The following ELF2 variants were observed in gnomAD, a reference collection of about 807,000 sequenced individuals.
ELF2 encodes E74 like ETS transcription factor 2, also known as ETS-related transcription factor Elf-2.
Under a neutral mutation model 54.8 loss-of-function variants are expected in ELF2, and 11 were observed. The ratio of observed to expected loss-of-function variants is 0.20; its 90% confidence interval spans 0.13 to 0.33. The LOEUF (loss-of-function observed/expected upper bound fraction) is 0.33. Ranked by LOEUF, ELF2 falls within the 10% of genes least tolerant of loss-of-function variation. The probability of loss-of-function intolerance (pLI) is 1.00; values close to 1 mark genes in which losing one functional copy is unlikely to be tolerated. For synonymous variants in ELF2, 203 were observed against 245.1 expected (o/e 0.83, Z 1.61); for missense variants, 513 against 703.0 (o/e 0.73, Z 3.06).
At chr4:139,132,873 T>A (rs192530526) in intron 3 of ELF2, among the ~76,000 whole-genome samples, 46 of 88,028 alleles carry the variant, frequency 5.2e-4, no homozygotes, top group South Asian at 9.9e-4. Flanking sequence ...TATATATATA[T>A]AAAATATGTA....
At position 139,060,635 on chromosome 4, in the gene ELF2, T is replaced by C. The variant is rs1229890089; in HGVS notation, c.846A>G (p.Gly282=). 1 of 1,601,488 alleles carries C rather than the reference T, an allele frequency of 6.2e-7. No individual in the cohort carries two copies. The highest frequency in any genetic ancestry group is 1.3e-5 in the African/African-American group (1 of 74,404). ...CCTTGAACTGATATACAAGCCTCTG[T>C]CCTTCAACCTTTGCAAGAATTCCCC... ...YQRGILAKVE[G]QRLVYQFKDM... is the part of the protein sequence containing the mutation. The change falls in exon 9 of 10, where the codon GGA becomes GGG. Residue 282 remains glycine, a synonymous_variant. Coordinates refer to ENST00000686138, the MANE Select transcript of ELF2 (RefSeq NM_001331036.3).
At chr4:139,163,466 A>G (rs941510848) in intron 1 of ELF2, among the ~76,000 whole-genome samples, 2 of 152,214 alleles carry the variant, frequency 1.3e-5, no homozygotes, top group Admixed American at 1.3e-4. Flanking sequence ...ACTTTTCACA[A>G]TGATAAGGAA....
chr4:139,091,123 C>G (rs961080170), intron 4 of ELF2, among the ~76,000 whole-genome samples: 1 of 152,054 alleles, frequency 6.6e-6, no homozygotes, highest in African/African-American at 2.4e-5. Context: ...CTAGTAGAGA[C>G]AGGTTTTCAC....
intron 7 of ELF2, chr4:139,066,849 C>T (rs1292891226): frequency 1.3e-5 from 2 of 152,032 alleles, no homozygotes; most frequent in East Asian, 1.9e-4. Context: ...TGCATTCTAG[C>T]CCTGTCTGTA....
At chr4:139,079,677 C>A (rs1423156444) in intron 4 of ELF2, among the ~76,000 whole-genome samples, 1 of 152,126 alleles carries the variant, frequency 6.6e-6, no homozygotes, top group African/African-American at 2.4e-5. Flanking sequence ...TTTGGGAGGC[C>A]AAGGCAGGTG....
At chr4:139,112,774 A>T (rs1181110723) in intron 4 of ELF2, among the ~76,000 whole-genome samples, 2 of 152,182 alleles carry the variant, frequency 1.3e-5, no homozygotes, top group African/African-American at 4.8e-5. Flanking sequence ...CAAAATTAAA[A>T]GTTAACTAGT....
At position 139,165,247 on chromosome 4, in the gene ELF2, C is replaced by A. The variant is rs560841640; in HGVS notation, c.-252+11720G>T. Among the ~76,000 whole-genome samples, 14 of 152,282 alleles carry A rather than the reference C, an allele frequency of 9.2e-5. No individual in the cohort carries two copies. The South Asian group carries it at 2.7e-3, about 29-fold the overall frequency. ...TAACTTTCTGTATTGCTTTTGAAAT[C>A]TTTTGATTATTACTGTGGTTAAATT... On this transcript the variant is annotated intron_variant, in intron 1 of 9. Coordinates refer to ENST00000686138, the MANE Select transcript of ELF2 (RefSeq NM_001331036.3).
At position 139,071,950 on chromosome 4, in the gene ELF2, C is replaced by T; in HGVS notation, c.442G>A (p.Val148Met). The T allele has an allele frequency of 6.2e-7, 1 of 1,613,920 alleles. No individual in the cohort carries two copies. ...PDVITETVVE[V>M]STEESEPMDT... ...ATGGGTTCAGACTCTTCAGTTGACA[C>T]CTCCACTACAGTTTCTGTAATGACA... The change falls in exon 6 of 10, where the codon GTG becomes ATG. Residue 148 changes from valine (V) to methionine (M), a missense_variant. Coordinates refer to ENST00000686138, the MANE Select transcript of ELF2 (RefSeq NM_001331036.3).
At chr4:139,126,377 GA>G (rs202190769) in intron 3 of ELF2, among the ~76,000 whole-genome samples, 47,322 of 141,418 alleles carry the variant, frequency 0.33, 7,984 homozygotes, top group African/African-American at 0.43. Context: ...AAATAGAAAG[GA>G]AAAAAAAAAA....
rs1025392112 is a variant in ELF2 at position 139,111,068 on chromosome 4, GA to G, written c.238+14095del. ...TATTGTGTATTACATTTTTTAAAAA[GA>G]AAAAAAATCCATTATAAAGCCCTTT... is the stretch of plus-strand genomic sequence containing the variant. On this transcript the variant is annotated intron_variant, in intron 4 of 9. Coordinates refer to ENST00000686138, the MANE Select transcript of ELF2 (RefSeq NM_001331036.3). 6.4e-4 allele frequency among the ~76,000 whole-genome samples: 97 copies of G among 151,640 alleles called. 1 individual carries two copies. Among genetic ancestry groups the G allele is most frequent in the Admixed American group, 1.3e-3 (20 of 15,222 alleles).
At chr4:139,102,256 C>G (rs1238353491) in intron 4 of ELF2, 2 of 151,924 alleles carry the variant, frequency 1.3e-5, no homozygotes, top group African/African-American at 4.8e-5. Context: ...GGCGCAGTGG[C>G]TCACGCCTGT....
At chr4:139,060,081 C>T (rs1175216378) in intron 9 of ELF2, among the ~76,000 whole-genome samples, 1 of 152,046 alleles carries the variant, frequency 6.6e-6, no homozygotes, top group African/African-American at 2.4e-5. Flanking sequence ...ACCTCCTGTC[C>T]TCAAGCAATC....
chr4:139,059,350 A>G lies in ELF2; in HGVS notation c.1415T>C (p.Leu472Pro), dbSNP rs1233708548. The G allele has an allele frequency of 1.2e-6, 2 of 1,613,986 alleles. No homozygotes were observed. The highest frequency in any genetic ancestry group is 1.7e-6 in the Non-Finnish European group (2 of 1,179,868). The change falls in exon 10 of 10, where the codon CTG (leucine) becomes CCG (proline). Residue 472 changes from leucine (L) to proline (P), a missense_variant. This residue lies in a region of ELF2 where 291 missense variants were observed against 366.1 expected (regional missense o/e 0.79). Coordinates refer to ENST00000686138, the MANE Select transcript of ELF2 (RefSeq NM_001331036.3). ...TCCAGTCAGATTTGACTTTGTCTGC[A>G]GTTGACACTGTGCAAGCTGTGTAGC... ...IPATQLAQCQ[L>P]QTKSNLTGSG...
chr4:139,151,515 A>G (rs761622502), intron 1 of ELF2, among the ~76,000 whole-genome samples: 3 of 152,204 alleles, frequency 2.0e-5, no homozygotes, highest in African/African-American at 7.2e-5. Context: ...TAAGGCCCAC[A>G]TGGGTAAATC....
chr4:139,107,121 C>T (rs1018206666), intron 4 of ELF2, among the ~76,000 whole-genome samples: 1 of 151,912 alleles, frequency 6.6e-6, no homozygotes, highest in Admixed American at 6.6e-5. Context: ...AACAATGCTC[C>T]GAGAGAAAGT....
At chr4:139,145,911 G>A (rs568112420) in intron 1 of ELF2, among the ~76,000 whole-genome samples, 4 of 152,102 alleles carry the variant, frequency 2.6e-5, no homozygotes, top group African/African-American at 7.2e-5. Flanking sequence ...AGTCATATAC[G>A]ACAAAGCATA....
chr4:139,096,025 C>T (rs547106182), intron 4 of ELF2, among the ~76,000 whole-genome samples: 8 of 152,120 alleles, frequency 5.3e-5, no homozygotes, highest in Non-Finnish European at 1.0e-4. Context: ...GCAGGAGAAT[C>T]GCTTAAACCC....
chr4:139,143,298 C>A (rs1560861455), intron 1 of ELF2, among the ~76,000 whole-genome samples: 1 of 152,202 alleles, frequency 6.6e-6, no homozygotes, highest in Non-Finnish European at 1.5e-5. Context: ...TATCAGAGAT[C>A]TGTGCTCTGA....
At chr4:139,082,584 G>C (rs1278547014) in intron 4 of ELF2, among the ~76,000 whole-genome samples, 1 of 152,150 alleles carries the variant, frequency 6.6e-6, no homozygotes, top group Non-Finnish European at 1.5e-5. Context: ...TGAACCTAGA[G>C]CGCTTCCGTT....
Sources: gnomAD v4.1 joint callset for allele counts (sites outside exome capture counted in the v4.1 genomes callset) on GRCh38, gnomAD v4.1.1 for gene constraint, gnomAD v4.1.1 regional missense constraint, MANE v1.5 for transcripts, NCBI Gene and HGNC (gene_info 2026-07-23, HGNC 2026-07-21) for gene names.